CNTNAP2: variants seen among roughly 807,000 people sequenced by gnomAD.
CNTNAP2 encodes contactin associated protein 2, also known as contactin-associated protein-like 2.
Under a neutral mutation model 155.2 loss-of-function variants are expected in CNTNAP2, and 98 were observed. That is an observed-to-expected ratio of 0.63 (90% CI 0.54 to 0.75). CNTNAP2 has a LOEUF of 0.75. CNTNAP2 is among the 30% of genes least tolerant of loss of function. CNTNAP2 has a pLI of 0.00. For synonymous variants in CNTNAP2, 651 were observed against 631.2 expected, an observed-to-expected ratio of 1.03 and a Z score of -0.47; for missense variants, 1,727 against 1,688.1, an observed-to-expected ratio of 1.02 and a Z score of -0.40.
At chr7:146,390,555 T>C (rs933980971) in intron 1 of CNTNAP2, among the ~76,000 whole-genome samples, 6 of 148,518 alleles carry the variant, frequency 4.0e-5, no homozygotes, top group Non-Finnish European at 8.9e-5. Context: ...ATATACACAC[T>C]ATATATATAT....
chr7:146,907,230 G>A (rs1033528435), intron 3 of CNTNAP2, among the ~76,000 whole-genome samples: 1 of 150,434 alleles, frequency 6.6e-6, no homozygotes, highest in Non-Finnish European at 1.5e-5. Flanking sequence ...CACTCTGCAG[G>A]ATATTATCCA....
At chr7:148,026,649 T>G (rs535416876) in intron 15 of CNTNAP2, among the ~76,000 whole-genome samples, 2 of 152,314 alleles carry the variant, frequency 1.3e-5, no homozygotes, top group Non-Finnish European at 2.9e-5. Flanking sequence ...GGGCTTTGGA[T>G]CTCTTGTTTT....
chr7:146,223,136 C>T (rs996973128), intron 1 of CNTNAP2, among the ~76,000 whole-genome samples: 4 of 152,030 alleles, frequency 2.6e-5, no homozygotes, highest in African/African-American at 9.7e-5. Context: ...GAGCTATATC[C>T]CATTGTGATC....
At chr7:146,178,608 G>T (rs943160668) in intron 1 of CNTNAP2, among the ~76,000 whole-genome samples, 1 of 152,034 alleles carries the variant, frequency 6.6e-6, no homozygotes, top group African/African-American at 2.4e-5. Flanking sequence ...GCAATTCTGT[G>T]TGATTAACAT....
At chr7:148,043,585 A>G (rs1802716568) in intron 15 of CNTNAP2, among the ~76,000 whole-genome samples, 1 of 152,228 alleles carries the variant, frequency 6.6e-6, no homozygotes, top group Non-Finnish European at 1.5e-5. Flanking sequence ...TAGTTAAAAG[A>G]CTAGTTCTAG....
intron 1 of CNTNAP2, among the ~76,000 whole-genome samples, chr7:146,662,439 GTTTGT>G (rs1197027109): frequency 2.6e-5 from 4 of 151,988 alleles, no homozygotes; most frequent in South Asian, 2.1e-4. Flanking sequence ...ACCCAGCCCA[GTTTGT>G]TTTGTTTTGT....
At chr7:148,105,880 C>T (rs991125888) in intron 15 of CNTNAP2, among the ~76,000 whole-genome samples, 2 of 152,202 alleles carry the variant, frequency 1.3e-5, no homozygotes, top group African/African-American at 4.8e-5. Context: ...TGCCACCATG[C>T]CCGGCCTTGT....
chr7:146,727,100 A>C (rs962853312), intron 1 of CNTNAP2, among the ~76,000 whole-genome samples: 1 of 152,128 alleles, frequency 6.6e-6, no homozygotes, highest in African/African-American at 2.4e-5. Flanking sequence ...GTGAAGGAGC[A>C]TTTACTATAG....
intron 8 of CNTNAP2, among the ~76,000 whole-genome samples, chr7:147,158,137 G>A (rs1801961162): frequency 6.6e-6 from 1 of 151,964 alleles, no homozygotes; most frequent in South Asian, 2.1e-4. Flanking sequence ...TGTTTCCCCA[G>A]TGACTTCTTA....
chr7:146,940,246 G>T (rs1002615326), intron 3 of CNTNAP2, among the ~76,000 whole-genome samples: 5 of 150,696 alleles, frequency 3.3e-5, no homozygotes, highest in African/African-American at 1.2e-4. Context: ...TTGCTCTGTC[G>T]CCAGGCTGGA....
intron 1 of CNTNAP2, among the ~76,000 whole-genome samples, chr7:146,734,909 G>T (rs1165861694): frequency 6.6e-6 from 1 of 152,098 alleles, no homozygotes; most frequent in South Asian, 2.1e-4. Flanking sequence ...CACCTCTGGA[G>T]TGTTCACAAA....
rs879600389 is a variant in CNTNAP2 at position 146,638,476 on chromosome 7, C to CTTTTTTTTTTTTTTTTTTTTTTTT, written c.98-135773_98-135772insTTTTTTTTTTTTTTTTTTTTTTTT. Among the ~76,000 whole-genome samples, 31 of 64,348 alleles carry CTTTTTTTTTTTTTTTTTTTTTTTT rather than the reference C, an allele frequency of 4.8e-4. 4 individuals carry two copies. Among genetic ancestry groups the CTTTTTTTTTTTTTTTTTTTTTTTT allele is most frequent in the East Asian group, 3.2e-3 (6 of 1,886 alleles). 42.2% of individuals were successfully genotyped at this position (64,348 alleles called of 152,430 possible). A position where few individuals can be genotyped will look rare whatever the true frequency, so the allele number is the denominator to read the frequency against. On this transcript the variant is annotated intron_variant, in intron 1 of 23. Transcript: ENST00000361727. ...AACAGTTTAATACAGTCAGGTGTTT[C>CTTTTTTTTTTTTTTTTTTTTTTTT]TTTTTTTTTTTTTTTTTTTTTTCTT... is the stretch of plus-strand genomic sequence containing the variant.
intron 1 of CNTNAP2, among the ~76,000 whole-genome samples, chr7:146,324,777 TTA>T (rs149639520): frequency 6.0e-5 from 9 of 150,520 alleles, no homozygotes; most frequent in Non-Finnish European, 1.0e-4. Context: ...GGAAGAGTAA[TTA>T]TATATATATA....
intron 6 of CNTNAP2, chr7:147,121,797 T>A (rs1474847074): frequency 6.6e-6 from 1 of 152,184 alleles, no homozygotes; most frequent in Non-Finnish European, 1.5e-5. Flanking sequence ...TAAAAGTAGG[T>A]ATATCATATT....
chr7:147,673,666 G>T (rs568496426), intron 13 of CNTNAP2, among the ~76,000 whole-genome samples: 13 of 152,282 alleles, frequency 8.5e-5, no homozygotes, highest in African/African-American at 3.1e-4. Flanking sequence ...GTAACACTCT[G>T]GTGGTACTAA....
At chr7:147,980,150 A>C (rs564920020) in intron 15 of CNTNAP2, among the ~76,000 whole-genome samples, 25 of 152,340 alleles carry the variant, frequency 1.6e-4, no homozygotes, top group African/African-American at 5.8e-4. Flanking sequence ...AACATGAAAA[A>C]ATATTGGAAA....
chr7:147,474,225 G>A (rs1798276295), intron 10 of CNTNAP2, among the ~76,000 whole-genome samples: 1 of 57,990 alleles, frequency 1.7e-5, no homozygotes, highest in Non-Finnish European at 3.2e-5. Flanking sequence ...TGGGCCCAAG[G>A]ATATGATGGG....
chr7:147,009,335 A>T (rs1798582433), intron 3 of CNTNAP2, among the ~76,000 whole-genome samples: 4 of 152,170 alleles, frequency 2.6e-5, no homozygotes. Context: ...CTAATGTCTG[A>T]TTGAGAAAAG....
At chr7:148,312,210 G>A (rs1406605315) in intron 21 of CNTNAP2, among the ~76,000 whole-genome samples, 1 of 152,158 alleles carries the variant, frequency 6.6e-6, no homozygotes, top group Non-Finnish European at 1.5e-5. Flanking sequence ...GTGCTGTCCC[G>A]GCTCTTGTGT....
Sources: allele counts gnomAD v4.1 joint callset (sites outside exome capture counted in the v4.1 genomes callset), GRCh38; gene constraint gnomAD v4.1.1; transcripts MANE v1.5; gene names NCBI Gene and HGNC (gene_info 2026-07-23, HGNC 2026-07-21).